The following PCDHA3 variants were observed in gnomAD, a reference collection of about 807,000 sequenced individuals.
PCDHA3 encodes the protein protocadherin alpha 3, also known as protocadherin alpha-3.
A neutral mutation model predicts 62.2 loss-of-function variants in PCDHA3; 41 were observed. The observed-to-expected ratio is 0.66, with a 90% CI of 0.51 to 0.86. The LOEUF is 0.86. Among genes scored for constraint, PCDHA3 ranks in the 40% least tolerant of loss-of-function variants. The probability of loss-of-function intolerance (pLI) is 0.00; values close to 1 mark genes in which losing one functional copy is unlikely to be tolerated. For missense variants in PCDHA3, 1,304 were observed against 1,241.2 expected (o/e 1.05, Z -0.76); for synonymous variants, 640 against 555.4 (o/e 1.15, Z -2.14).
intron 1 of PCDHA3, chr5:140,870,294 G>A (rs1554164013): frequency 3.1e-6 from 5 of 1,614,192 alleles, no homozygotes; most frequent in Non-Finnish European, 3.4e-6. Flanking sequence ...TCAAGCTGGT[G>A]TCCACCTTCA....
At chr5:140,882,768 C>CA in intron 1 of PCDHA3, 1 of 1,614,222 alleles carries the variant, frequency 6.2e-7, no homozygotes, top group Non-Finnish European at 8.5e-7. Flanking sequence ...GTAAACTCGG[C>CA]ATTGACCTAC....
chr5:140,846,687 T>C (rs1554141460), intron 1 of PCDHA3, among the ~76,000 whole-genome samples: 1 of 149,376 alleles, frequency 6.7e-6, no homozygotes, highest in East Asian at 1.9e-4. Context: ...AATGCTTTCT[T>C]AGCAAGTAGA....
intron 1 of PCDHA3, chr5:140,813,350 AG>A (rs1490272053): frequency 6.6e-6 from 1 of 152,368 alleles, no homozygotes; most frequent in Non-Finnish European, 1.5e-5. Context: ...AAACCTAGAT[AG>A]TATAGCCTAC....
chr5:140,856,541 G>T lies in PCDHA3; in HGVS notation c.2394+52950G>T, dbSNP rs1554148841. 5.0e-6 allele frequency: 8 copies of T among 1,598,164 alleles called. 2 individuals carry two copies. Among genetic ancestry groups the T allele is most frequent in the South Asian group, 4.4e-5 (4 of 90,522 alleles). On this transcript the variant is annotated intron_variant, in intron 1 of 3. Transcript: ENST00000522353. ...ATCTGATGCGGATGTTGGAGAGAAC[G>T]CATTGCTTACTTACAAACTCAGTCC...
chr5:140,808,730 G>C lies in PCDHA3; in HGVS notation c.2394+5139G>C, dbSNP rs1554124735. The C allele has an allele frequency of 8.1e-6, 13 of 1,612,052 alleles. No individual in the cohort carries two copies. The highest frequency in any genetic ancestry group is 6.7e-5 in the Admixed American group (4 of 60,000). On this transcript the variant is annotated intron_variant, in intron 1 of 3. Transcript: ENST00000522353. The stretch of plus-strand genomic sequence containing the variant: ...CTACGTTTCGGTGCATGCGGAGAGC[G>C]GCAAGGTGTACGCGCTGCAGCCGCT...
Position 140,895,311 on chromosome 5 carries a change from C to T in PCDHA3, c.2395-83638C>T, listed in dbSNP as rs572826090. 2.0e-5 allele frequency among the ~76,000 whole-genome samples: 3 copies of T among 152,252 alleles called. No homozygotes were observed. The South Asian group carries it at 6.2e-4, about 32-fold the overall frequency. On this transcript the variant is annotated intron_variant, in intron 1 of 3. Transcript: ENST00000522353. ...GACCTTCGATTTCCCCCCTTCCACC[C>T]ATGACTATTGTTCTCAAATTGTTTT...
intron 1 of PCDHA3, among the ~76,000 whole-genome samples, chr5:140,933,147 A>G (rs1584764690): frequency 6.6e-6 from 1 of 151,986 alleles, no homozygotes. Context: ...ATAGCCACTC[A>G]TTTTGTTCCC....
intron 2 of PCDHA3, among the ~76,000 whole-genome samples, chr5:140,980,990 G>T (rs1344931215): frequency 6.6e-6 from 1 of 152,116 alleles, no homozygotes. Flanking sequence ...CACACAATTT[G>T]CTAGTAGGAT....
intron 1 of PCDHA3, among the ~76,000 whole-genome samples, chr5:140,952,331 T>G (rs1302386893): frequency 1.8e-5 from 2 of 112,488 alleles, no homozygotes; most frequent in African/African-American, 7.8e-5. Context: ...AGAGTGAAAC[T>G]CCATCTCAAA....
At chr5:140,830,026 C>G in intron 1 of PCDHA3, 1 of 1,613,904 alleles carries the variant, frequency 6.2e-7, no homozygotes, top group Non-Finnish European at 8.5e-7. Context: ...CTCCGCGCCA[C>G]CGGCTGCTGG....
At chr5:140,808,398 A>C (rs781853303) in intron 1 of PCDHA3, 1 of 1,614,148 alleles carries the variant, frequency 6.2e-7, no homozygotes, top group South Asian at 1.1e-5. Flanking sequence ...TTCAAGAATT[A>C]CTACTCGTTG....
intron 1 of PCDHA3, among the ~76,000 whole-genome samples, chr5:140,831,543 T>C: frequency 8.4e-6 from 1 of 118,834 alleles, no homozygotes; most frequent in East Asian, 2.4e-4. Flanking sequence ...TTTTTTTTTT[T>C]TAAGAGATGG....
rs1781520198 is a variant in PCDHA3, at chr5:140,848,443, T to C, written c.2394+44852T>C. ...ATGGGACTGACGAAATCAGATGATTTCTTCTAATTTGGAGGCAATTTTCAC... is the reference window on the plus strand; with the variant it reads ...ATGGGACTGACGAAATCAGATGATTCCTTCTAATTTGGAGGCAATTTTCAC... On this transcript the variant is annotated intron_variant, in intron 1 of 3. Transcript: ENST00000522353. 5.4e-6 allele frequency: 8 copies of C among 1,493,744 alleles called. 1 individual carries two copies. The highest frequency in any genetic ancestry group is 7.3e-6 in the Non-Finnish European group (8 of 1,096,078). 92.5% of individuals were successfully genotyped at this position (1,493,744 alleles called of 1,614,324 possible).
At chr5:140,850,674 C>T in intron 1 of PCDHA3, 1 of 1,598,338 alleles carries the variant, frequency 6.3e-7, no homozygotes, top group Non-Finnish European at 8.6e-7. Context: ...CTCGGCGATG[C>T]CCACCGAGGG....
At chr5:140,885,592 G>T (rs1428219345) in intron 1 of PCDHA3, among the ~76,000 whole-genome samples, 3 of 152,102 alleles carry the variant, frequency 2.0e-5, no homozygotes, top group Non-Finnish European at 2.9e-5. Flanking sequence ...ATGCATCAAA[G>T]ATATTAATAA....
intron 1 of PCDHA3, among the ~76,000 whole-genome samples, chr5:140,915,973 T>G (rs1472373994): frequency 3.9e-5 from 6 of 152,150 alleles, no homozygotes; most frequent in African/African-American, 1.4e-4. Context: ...TGATATTTTA[T>G]TTGACTACGG....
intron 1 of PCDHA3, chr5:140,884,136 G>A (rs371124724): frequency 1.2e-6 from 2 of 1,613,282 alleles, no homozygotes; most frequent in Non-Finnish European, 1.7e-6. Flanking sequence ...ATCCCGTTCC[G>A]CGTGGGGCTG....
chr5:140,898,407 C>T (rs556061781), intron 1 of PCDHA3, among the ~76,000 whole-genome samples: 90 of 152,094 alleles, frequency 5.9e-4, no homozygotes, highest in Middle Eastern at 3.4e-3. Flanking sequence ...TTTCTACATA[C>T]GGCTAGCCAG....
intron 2 of PCDHA3, 90 bp downstream of exon 2, chr5:140,979,097 C>T (rs2096835129): frequency 9.0e-6 from 14 of 1,547,204 alleles, no homozygotes; most frequent in African/African-American, 1.4e-5. Context: ...AAGCAGCTGT[C>T]AAAACTAAAA....
Sources: allele counts gnomAD v4.1 joint callset (sites outside exome capture counted in the v4.1 genomes callset), GRCh38; gene constraint gnomAD v4.1.1; transcripts MANE v1.5; gene names NCBI Gene and HGNC (gene_info 2026-07-23, HGNC 2026-07-21).